Variants in MACF1 observed in about 807,000 individuals in gnomAD.
MACF1 encodes the protein microtubule actin crosslinking factor 1.
Under a neutral mutation model 854.8 loss-of-function variants are expected in MACF1, and 193 were observed. That is an observed-to-expected ratio of 0.23 (90% confidence interval 0.20 to 0.25). The LOEUF (loss-of-function observed/expected upper bound fraction) is 0.25. MACF1 is among the 10% of genes least tolerant of loss of function. The pLI is 1.00. For missense variants in MACF1, 7,722 were observed against 8,929.1 expected (o/e 0.86, Z 5.45); for synonymous variants, 3,185 against 3,226.7 (o/e 0.99, Z 0.44).
At chr1:39,364,884 C>G (rs2148525542) in intron 49 of MACF1, among the ~76,000 whole-genome samples, 1 of 152,180 alleles carries the variant, frequency 6.6e-6, no homozygotes, top group African/African-American at 2.4e-5. Context: ...TTTTGTCACA[C>G]CCAGGTTATG....
At position 39,285,609 on chromosome 1, in the gene MACF1, T is replaced by A. The variant is rs764676893; in HGVS notation, c.1359T>A (p.Ala453=). Residue 453 remains alanine, a synonymous_variant, in exon 14 of 101, where the codon GCT becomes GCA. Coordinates refer to ENST00000564288, the MANE Select transcript of MACF1 (RefSeq NM_001394062.1). ...TLAKNTLQAD[A]AHLESGQPVQ... is the part of the protein sequence containing the mutation. Reference sequence around the variant, plus strand: ...ATTCTCTCTTCCTGTCTCAGGATGCTGCTCACCTGGAATCAGGACAACCGG... The same window carrying A: ...ATTCTCTCTTCCTGTCTCAGGATGCAGCTCACCTGGAATCAGGACAACCGG... 6 of 1,613,436 alleles carry A rather than the reference T, an allele frequency of 3.7e-6. No homozygotes were observed. The highest frequency in any genetic ancestry group is 5.1e-6 in the Non-Finnish European group (6 of 1,179,518).
intron 2 of MACF1, among the ~76,000 whole-genome samples, chr1:39,138,865 AT>A (rs1237921773): frequency 1.3e-5 from 2 of 152,046 alleles, no homozygotes; most frequent in African/African-American, 4.8e-5. Flanking sequence ...GGGTTTTACC[AT>A]GTTGGCCAGG....
chr1:39,146,789 A>G (rs1432000393), intron 2 of MACF1, among the ~76,000 whole-genome samples: 1 of 143,312 alleles, frequency 7.0e-6, no homozygotes, highest in Non-Finnish European at 1.5e-5. Flanking sequence ...TTGCTAGCAC[A>G]ACAAGGTGAC....
At chr1:39,268,740 A>T in intron 6 of MACF1, 5 of 1,288,206 alleles carry the variant, frequency 3.9e-6, no homozygotes, top group Non-Finnish European at 4.0e-6. Context: ...GAAAGAGTCA[A>T]TAGCTATTCC....
At chr1:39,410,214 A>T in intron 58 of MACF1, 1 of 1,344,650 alleles carries the variant, frequency 7.4e-7, no homozygotes, top group South Asian at 1.4e-5. Flanking sequence ...TTTGGGGGGA[A>T]CCTGTGAAAA....
At chr1:39,439,185 A>G (rs1196819243) in intron 71 of MACF1, 89 bp from the exon 72 acceptor site, 4 of 605,574 alleles carry the variant, frequency 6.6e-6, no homozygotes, top group Non-Finnish European at 1.2e-5. Context: ...GTTTCATTGA[A>G]AAGGTCAGAG....
rs1227227433 is a variant in MACF1, at chr1:39,433,107, T to C, written c.17517T>C (p.Arg5839=). 1 of 1,612,904 alleles carries C rather than the reference T, an allele frequency of 6.2e-7. No homozygotes were observed. Among genetic ancestry groups the C allele is most frequent in the Non-Finnish European group, 8.5e-7 (1 of 1,179,322 alleles). Residue 5839 remains arginine (R), a synonymous_variant, in exon 68 of 101, where the codon CGT becomes CGC. Transcript: ENST00000564288. ...CAATGGATGAACTCTTCAGTCACCG[T>C]AGTGAAATCTTTGGCACATGTGGGG... ...KDSMDELFSH[R]SEIFGTCGEE...
chr1:39,287,417 C>T lies in MACF1; in HGVS notation c.1640C>T (p.Pro547Leu). 2 of 1,614,140 alleles carry T rather than the reference C, an allele frequency of 1.2e-6. No individual in the cohort carries two copies. The highest frequency in any genetic ancestry group is 1.1e-5 in the South Asian group (1 of 91,074). ...TLTTTHLKAE[P>L]LTKATHSSST... ...ACCACCACTCATCTGAAAGCAGAACCCTTAACCAAGGCAACCCATTCTTCT... is the reference window on the plus strand; with the variant it reads ...ACCACCACTCATCTGAAAGCAGAACTCTTAACCAAGGCAACCCATTCTTCT... Residue 547 changes from proline to leucine, a missense_variant, in exon 15 of 101, where the codon CCC becomes CTC. By Grantham distance (98) the Pro-to-Leu change is moderately conservative. Transcript: ENST00000564288.
chr1:39,112,385 C>G (rs1217922214), intron 2 of MACF1, among the ~76,000 whole-genome samples: 2 of 152,112 alleles, frequency 1.3e-5, no homozygotes, highest in Non-Finnish European at 2.9e-5. Flanking sequence ...TGCCTGGCCA[C>G]AGTAAAATCT....
intron 63 of MACF1, among the ~76,000 whole-genome samples, chr1:39,428,806 T>G (rs1002252159): frequency 6.6e-6 from 1 of 152,210 alleles, no homozygotes; most frequent in Non-Finnish European, 1.5e-5. Context: ...TTTCTAATAG[T>G]CTGATTCTTT....
intron 2 of MACF1, among the ~76,000 whole-genome samples, chr1:39,129,264 T>C (rs912528757): frequency 1.3e-5 from 2 of 152,078 alleles, no homozygotes. Flanking sequence ...AGACTTCACA[T>C]TGGGAAAAAG....
Position 39,276,470 on chromosome 1 carries a change from C to G in MACF1, c.529-5738C>G, listed in dbSNP as rs1001371935. On this transcript the variant is annotated intron_variant, in intron 6 of 100. Coordinates refer to ENST00000564288, the MANE Select transcript of MACF1 (RefSeq NM_001394062.1). ...TTGTAATCTATCTTATCTTTTCTAT[C>G]GGTTCCCAATTTAAACCTTCTCATT... Among the ~76,000 whole-genome samples, 4 of 152,144 alleles carry G rather than the reference C, an allele frequency of 2.6e-5. 1 individual carries two copies. The highest frequency in any genetic ancestry group is 4.1e-4 in the South Asian group (2 of 4,820).
chr1:39,469,375 C>T (rs1283219655), intron 96 of MACF1, among the ~76,000 whole-genome samples, 172 bp from the exon 97 acceptor site: 1 of 152,184 alleles, frequency 6.6e-6, no homozygotes, highest in Admixed American at 6.5e-5. Context: ...AAGAGATGAC[C>T]GGTTCCAATT....
At chr1:39,459,865 T>C in intron 91 of MACF1, 3 of 1,302,920 alleles carry the variant, frequency 2.3e-6, no homozygotes, top group Non-Finnish European at 3.0e-6. Context: ...ATTTTTTCCT[T>C]AGGTCAGTTG....
rs571424108 is a variant in MACF1 at position 39,231,937 on chromosome 1, T to C, written c.171+694T>C. Among the ~76,000 whole-genome samples, 3 of 151,760 alleles carry C rather than the reference T, an allele frequency of 2.0e-5. No individual in the cohort carries two copies. The South Asian group carries it at 6.2e-4, about 31-fold the overall frequency. On this transcript the variant is annotated intron_variant, in intron 2 of 100. Coordinates refer to ENST00000564288, the MANE Select transcript of MACF1 (RefSeq NM_001394062.1). The stretch of plus-strand genomic sequence containing the variant: ...AGTGCATGAATCTTAAATGTTTAAC[T>C]TGATGAATTTTTACATGAATTTTAC...
At chr1:39,416,082 C>T (rs1643297285) in intron 58 of MACF1, among the ~76,000 whole-genome samples, 1 of 152,146 alleles carries the variant, frequency 6.6e-6, no homozygotes, top group African/African-American at 2.4e-5. Flanking sequence ...GTCCTGACAA[C>T]AAAATCATTT....
intron 2 of MACF1, among the ~76,000 whole-genome samples, chr1:39,177,902 G>A (rs539162197): frequency 1.6e-4 from 25 of 152,126 alleles, no homozygotes; most frequent in African/African-American, 4.6e-4. Flanking sequence ...GCACTGCCAT[G>A]GCAATAAAAC....
At position 39,084,344 on chromosome 1, in the gene MACF1, C is replaced by A; in HGVS notation, c.126C>A (p.Thr42=). The change falls in exon 2 of 94, where the codon ACC becomes ACA. Residue 42 remains threonine (T), a synonymous_variant. Transcript: ENST00000361689. This position sits in a 1 kb window ranked among gnomAD's most constrained non-coding sequence, Gnocchi z 5.2. ...TGTCTCCCTGTCCCCCAGGGGACAC[C>A]TTGCCCTGGAACCTGCCACTGCATG... The A allele has an allele frequency of 6.2e-7, 1 of 1,613,964 alleles. No individual in the cohort carries two copies. Among genetic ancestry groups the A allele is most frequent in the Non-Finnish European group, 8.5e-7 (1 of 1,179,980 alleles).
chr1:39,147,551 G>T (rs924632633), intron 2 of MACF1, among the ~76,000 whole-genome samples: 12 of 144,694 alleles, frequency 8.3e-5, no homozygotes, highest in Middle Eastern at 3.5e-3. Context: ...ACAGGGTCTT[G>T]CTCTGTTGCC....
Sources: gnomAD v4.1 joint callset for allele counts (sites outside exome capture counted in the v4.1 genomes callset) on GRCh38, gnomAD v4.1.1 for gene constraint, Gnocchi (gnomAD v3.1) non-coding constraint, MANE v1.5 for transcripts, NCBI Gene and HGNC (gene_info 2026-07-23, HGNC 2026-07-21) for gene names.